Variants in STK32B observed in about 807,000 individuals in gnomAD.
STK32B encodes the protein serine/threonine-protein kinase 32B.
STK32B carries 43 observed loss-of-function variants against 52.6 expected under a neutral mutation model. That is an observed-to-expected ratio of 0.82 (90% confidence interval 0.64 to 1.05). The LOEUF is 1.05. Ranked by LOEUF, STK32B falls within the 50% of genes least tolerant of loss-of-function variation. The probability of loss-of-function intolerance (pLI) is 0.00; values close to 1 mark genes in which losing one functional copy is unlikely to be tolerated. For synonymous variants in STK32B, 238 were observed against 204.3 expected (o/e 1.17, Z -1.41); for missense variants, 621 against 534.6 (o/e 1.16, Z -1.59).
At chr4:5,159,993 C>T (rs942198239) in intron 2 of STK32B, among the ~76,000 whole-genome samples, 1 of 151,970 alleles carries the variant, frequency 6.6e-6, no homozygotes, top group Non-Finnish European at 1.5e-5. Context: ...TCATTCAGGC[C>T]TTCAACAGGT....
At chr4:5,042,137 T>A in the STK32B span, among the ~76,000 whole-genome samples, 1 of 152,306 alleles carries the variant, frequency 6.6e-6, no homozygotes, top group Non-Finnish European at 1.5e-5. Context: ...ACTCTACTCA[T>A]GTACATGTAA....
At chr4:5,212,692 T>C (rs1161574935) in intron 3 of STK32B, among the ~76,000 whole-genome samples, 1 of 152,182 alleles carries the variant, frequency 6.6e-6, no homozygotes, top group Non-Finnish European at 1.5e-5. Context: ...CATTATATAA[T>C]TGGAAGTTGC....
At position 5,378,914 on chromosome 4, in the gene STK32B, A is replaced by C. The variant is rs967191875; in HGVS notation, c.435-19293A>C. ...AGGCGTCATCTGCAAAAGGGGTGACAATTCTACCCTGCCTCTGTGAGACCC... is the reference window on the plus strand; with the variant it reads ...AGGCGTCATCTGCAAAAGGGGTGACCATTCTACCCTGCCTCTGTGAGACCC... On this transcript the variant is annotated intron_variant, in intron 4 of 11. Coordinates refer to ENST00000282908, the MANE Select transcript of STK32B (RefSeq NM_018401.3). The surrounding 1 kb of genome is among the most constrained non-coding windows in gnomAD (Gnocchi z 4.4). 1.2e-4 allele frequency among the ~76,000 whole-genome samples: 18 copies of C among 152,122 alleles called. No homozygotes were observed. The highest frequency in any genetic ancestry group is 1.1e-3 in the Admixed American group (17 of 15,272).
chr4:5,155,636 G>A (rs7686605), intron 2 of STK32B, among the ~76,000 whole-genome samples: 31,936 of 151,990 alleles, frequency 0.21, 3,845 homozygotes, highest in East Asian at 0.26. Context: ...TCCTGGGGGC[G>A]GTTTCCCCCA....
At chr4:5,149,874 G>A (rs916842030) in intron 2 of STK32B, among the ~76,000 whole-genome samples, 1 of 151,724 alleles carries the variant, frequency 6.6e-6, no homozygotes, top group African/African-American at 2.4e-5. Flanking sequence ...TTCAGCCTGA[G>A]GAATTTCCTT....
intron 4 of STK32B, among the ~76,000 whole-genome samples, chr4:5,357,438 G>C (rs913291861): frequency 1.3e-5 from 2 of 152,134 alleles, no homozygotes; most frequent in Non-Finnish European, 2.9e-5. Context: ...TGCCAGGTCA[G>C]AGTACAGAAC....
the STK32B span, among the ~76,000 whole-genome samples, chr4:5,037,621 G>A: frequency 6.6e-6 from 1 of 152,146 alleles, no homozygotes; most frequent in Non-Finnish European, 1.5e-5. Flanking sequence ...GGAGGACTCT[G>A]AGAAAGGGCT....
intron 7 of STK32B, among the ~76,000 whole-genome samples, chr4:5,450,202 G>A (rs1384849034): frequency 6.6e-6 from 1 of 152,156 alleles, no homozygotes; most frequent in East Asian, 1.9e-4. Context: ...CAGGCATGCT[G>A]ATTGAAAGAA....
chr4:5,029,263 G>T, the STK32B span, among the ~76,000 whole-genome samples: 1 of 152,188 alleles, frequency 6.6e-6, no homozygotes, highest in African/African-American at 2.4e-5. Flanking sequence ...TTAGTTACAT[G>T]GCAAAGGGAT....
At chr4:5,432,117 T>C (rs1713638656) in intron 6 of STK32B, among the ~76,000 whole-genome samples, 1 of 152,202 alleles carries the variant, frequency 6.6e-6, no homozygotes, top group African/African-American at 2.4e-5. Flanking sequence ...CAATAAGTTG[T>C]CTCATTATGG....
chr4:5,097,741 A>G (rs964558425), intron 1 of STK32B, among the ~76,000 whole-genome samples: 23 of 152,210 alleles, frequency 1.5e-4, no homozygotes, highest in African/African-American at 5.3e-4. Context: ...AATCATGTCG[A>G]TATGTGATTC....
In STK32B at chr4:5,386,855, G is replaced by A. The variant is rs545612651; in HGVS notation, c.435-11352G>A. Among the ~76,000 whole-genome samples the A allele has an allele frequency of 4.0e-4, 61 of 152,304 alleles. No individual in the cohort carries two copies. The highest frequency in any genetic ancestry group is 2.7e-3 in the South Asian group (13 of 4,824). The stretch of plus-strand genomic sequence containing the variant: ...ATAGAGTCGGATTCAGCCTTGATAC[G>A]AACTTGAGATCTTTCCCGCATTGTC... On this transcript the variant is annotated intron_variant, in intron 4 of 11. Coordinates refer to ENST00000282908, the MANE Select transcript of STK32B (RefSeq NM_018401.3). This position sits in a 1 kb window ranked among gnomAD's most constrained non-coding sequence, Gnocchi z 4.5.
At chr4:5,239,600 C>T (rs1282550732) in intron 3 of STK32B, among the ~76,000 whole-genome samples, 1 of 151,998 alleles carries the variant, frequency 6.6e-6, no homozygotes, top group Non-Finnish European at 1.5e-5. Context: ...TGAGTGTGCA[C>T]CCAACTGATG....
intron 11 of STK32B, among the ~76,000 whole-genome samples, chr4:5,471,467 G>T (rs565192489): frequency 6.6e-6 from 1 of 151,996 alleles, no homozygotes; most frequent in Admixed American, 6.5e-5. Context: ...GGACTGGAGC[G>T]GATTCTCCCT....
intron 7 of STK32B, among the ~76,000 whole-genome samples, chr4:5,448,467 A>G (rs1382228361): frequency 1.3e-5 from 2 of 152,236 alleles, no homozygotes; most frequent in African/African-American, 2.4e-5. Context: ...AATCACAGCA[A>G]TGACCTTGGC....
At chr4:5,027,223 G>A in the STK32B span, among the ~76,000 whole-genome samples, 1 of 152,230 alleles carries the variant, frequency 6.6e-6, no homozygotes, top group Non-Finnish European at 1.5e-5. Context: ...GGCCCACATG[G>A]CCCAGAGTGA....
At chr4:5,401,161 G>C (rs969233139) in intron 5 of STK32B, among the ~76,000 whole-genome samples, 2 of 152,138 alleles carry the variant, frequency 1.3e-5, no homozygotes, top group Admixed American at 1.3e-4. Context: ...TTAATCTTAT[G>C]CCTTCAAAAC....
the STK32B span, among the ~76,000 whole-genome samples, chr4:5,042,023 G>T: frequency 6.6e-6 from 1 of 152,124 alleles, no homozygotes; most frequent in Admixed American, 6.5e-5. Flanking sequence ...CAGCGTGATC[G>T]TGTTACATAA....
chr4:5,163,838 A>G (rs1718648763), intron 2 of STK32B, among the ~76,000 whole-genome samples: 1 of 152,316 alleles, frequency 6.6e-6, no homozygotes, highest in Middle Eastern at 3.4e-3. Flanking sequence ...CTGTATTTAC[A>G]GGGACCCATG....
Sources: gnomAD v4.1 joint callset for allele counts (sites outside exome capture counted in the v4.1 genomes callset) on GRCh38, gnomAD v4.1.1 for gene constraint, Gnocchi (gnomAD v3.1) non-coding constraint, MANE v1.5 for transcripts, NCBI Gene and HGNC (gene_info 2026-07-23, HGNC 2026-07-21) for gene names.